The following RAP1GAP2 variants were observed in gnomAD, a reference collection of about 807,000 sequenced individuals.
RAP1GAP2 encodes the protein RAP1 GTPase activating protein 2.
Under a neutral mutation model 95.0 loss-of-function variants are expected in RAP1GAP2, and 27 were observed. The ratio of observed to expected loss-of-function variants is 0.28; its 90% CI spans 0.21 to 0.39. The LOEUF (loss-of-function observed/expected upper bound fraction) is 0.39. RAP1GAP2 is among the 10% of genes least tolerant of loss of function. The pLI, the probability that RAP1GAP2 is intolerant of heterozygous loss-of-function variation, is 1.00. For missense variants in RAP1GAP2, 771 were observed against 970.0 expected (o/e 0.79, Z 2.72); for synonymous variants, 373 against 380.9 (o/e 0.98, Z 0.24).
chr17:2,969,034 A>G (rs1366933451), intron 8 of RAP1GAP2, among the ~76,000 whole-genome samples: 1 of 152,080 alleles, frequency 6.6e-6, no homozygotes, highest in East Asian at 1.9e-4. Flanking sequence ...CATGTATGTA[A>G]TGATTATGGA....
In RAP1GAP2 at chr17:2,861,804, G is replaced by A. The variant is rs148233823; in HGVS notation, c.81-43480G>A. Among the ~76,000 whole-genome samples, 311 of 152,052 alleles carry A rather than the reference G, an allele frequency of 2.0e-3. 6 individuals are homozygous for A. The East Asian group carries it at 0.031, about 15-fold the overall frequency. On this transcript the variant is annotated intron_variant, in intron 2 of 24. Transcript: ENST00000254695. ...TGAGTAGCTGGGACTACAGGTGCCCGCCACCATGCCCGGCTAATTTTTTGT... is the reference window on the plus strand; with the variant it reads ...TGAGTAGCTGGGACTACAGGTGCCCACCACCATGCCCGGCTAATTTTTTGT...
chr17:2,793,576 C>G (rs1344235173), upstream of RAP1GAP2, among the ~76,000 whole-genome samples: 1 of 152,256 alleles, frequency 6.6e-6, no homozygotes, highest in East Asian at 1.9e-4. Context: ...TGGCCTAGAG[C>G]AGGTGTTGCT....
intron 14 of RAP1GAP2, among the ~76,000 whole-genome samples, chr17:2,999,674 C>T (rs1028641326): frequency 1.8e-4 from 27 of 151,736 alleles, no homozygotes; most frequent in Admixed American, 1.6e-3. Context: ...AGGCTGGGCA[C>T]GGTGGCGTAC....
chr17:2,758,665 G>A (rs2071192474), intron 1 of RAP1GAP2, among the ~76,000 whole-genome samples: 3 of 152,184 alleles, frequency 2.0e-5, no homozygotes. Context: ...TCCAGCTGTG[G>A]CCCCTGGATC....
In RAP1GAP2 at chr17:2,995,760, G is replaced by C. The variant is rs574289568; in HGVS notation, c.1044+294G>C. On this transcript the variant is annotated intron_variant, in intron 13 of 24. Transcript: ENST00000254695. ...GACTGATGGGAAAACTGCAGCCCAT[G>C]GTGGTGACAAGACTTCCTTGAGGTT... 7.2e-5 allele frequency among the ~76,000 whole-genome samples: 11 copies of C among 152,296 alleles called. No individual in the cohort carries two copies. The East Asian group carries it at 1.9e-3, about 27-fold the overall frequency.
chr17:2,875,223 C>T (rs1383954478), intron 2 of RAP1GAP2, among the ~76,000 whole-genome samples: 4 of 152,130 alleles, frequency 2.6e-5, no homozygotes, highest in Non-Finnish European at 4.4e-5. Flanking sequence ...TGCACCACCA[C>T]GCCTGGTGAA....
At chr17:2,767,895 G>T (rs964255624) in intron 1 of RAP1GAP2, among the ~76,000 whole-genome samples, 1 of 151,984 alleles carries the variant, frequency 6.6e-6, no homozygotes, top group African/African-American at 2.4e-5. Context: ...ACCACGCCCA[G>T]CTAATTTCTT....
intron 2 of RAP1GAP2, among the ~76,000 whole-genome samples, chr17:2,861,436 T>A (rs1367922629): frequency 1.3e-5 from 2 of 151,068 alleles, no homozygotes; most frequent in Non-Finnish European, 2.9e-5. Flanking sequence ...GCCTCCTGGC[T>A]CCCCTAAGTA....
intron 8 of RAP1GAP2, among the ~76,000 whole-genome samples, chr17:2,979,422 C>T (rs1409028265): frequency 5.9e-5 from 9 of 151,406 alleles, no homozygotes; most frequent in Admixed American, 1.3e-4. Flanking sequence ...TTGCATTTCC[C>T]GTATTTCAGT....
intron 2 of RAP1GAP2, among the ~76,000 whole-genome samples, chr17:2,864,396 T>G (rs867061939): frequency 6.6e-6 from 1 of 152,238 alleles, no homozygotes; most frequent in Non-Finnish European, 1.5e-5. Context: ...AATTGGAAGA[T>G]TCCACATTGT....
chr17:2,921,883 A>G (rs74252361), intron 3 of RAP1GAP2, among the ~76,000 whole-genome samples: 5,005 of 152,152 alleles, frequency 0.033, 121 homozygotes, highest in African/African-American at 0.068. Context: ...TCTTCTTCAC[A>G]TGTCTCCCTC....
chr17:2,990,246 A>G (rs1300675026), intron 11 of RAP1GAP2, among the ~76,000 whole-genome samples: 1 of 152,228 alleles, frequency 6.6e-6, no homozygotes, highest in Non-Finnish European at 1.5e-5. Flanking sequence ...TCTTTGGTGT[A>G]TACCTGAGAG....
At chr17:2,922,369 A>G (rs1484970144) in intron 3 of RAP1GAP2, among the ~76,000 whole-genome samples, 1 of 152,208 alleles carries the variant, frequency 6.6e-6, no homozygotes, top group Admixed American at 6.5e-5. Flanking sequence ...AGACTGCAGC[A>G]TGGGTAAAGA....
chr17:2,818,020 C>T (rs2151512809), intron 2 of RAP1GAP2, among the ~76,000 whole-genome samples: 1 of 151,220 alleles, frequency 6.6e-6, no homozygotes, highest in East Asian at 2.0e-4. Flanking sequence ...GTATTTTTAA[C>T]AGAGACGGGG....
Position 2,957,802 on chromosome 17 carries a change from C to A in RAP1GAP2, c.201+8C>A. ...ATGCTGGAGAAAATGCAGGTGAGTACGTACCCCCACCGTGGCGGGGAAGAA... is the reference window on the plus strand; with the variant it reads ...ATGCTGGAGAAAATGCAGGTGAGTAAGTACCCCCACCGTGGCGGGGAAGAA... On this transcript the variant is annotated splice_region_variant and intron_variant, in intron 4 of 24. Coordinates refer to ENST00000254695, the MANE Select transcript of RAP1GAP2 (RefSeq NM_015085.5). 3.8e-6 allele frequency: 6 copies of A among 1,588,136 alleles called. No individual in the cohort carries two copies. The highest frequency in any genetic ancestry group is 4.3e-6 in the Non-Finnish European group (5 of 1,165,764).
intron 2 of RAP1GAP2, among the ~76,000 whole-genome samples, chr17:2,853,710 G>C (rs892875177): frequency 6.8e-6 from 1 of 146,750 alleles, no homozygotes; most frequent in South Asian, 2.1e-4. Flanking sequence ...AGCGGGAGCC[G>C]GGAGCCGCCG....
At chr17:2,786,409 A>G (rs756291369) in intron 1 of RAP1GAP2, among the ~76,000 whole-genome samples, 1 of 152,224 alleles carries the variant, frequency 6.6e-6, no homozygotes, top group Non-Finnish European at 1.5e-5. Flanking sequence ...AAACAAGCCC[A>G]GGAAGACGCT....
chr17:2,914,731 C>G (rs2042509716), intron 3 of RAP1GAP2, among the ~76,000 whole-genome samples: 1 of 151,316 alleles, frequency 6.6e-6, no homozygotes, highest in Non-Finnish European at 1.5e-5. Context: ...ACCTTGTGAT[C>G]CACCCACCTC....
At chr17:2,875,976 C>T (rs1223082074) in intron 2 of RAP1GAP2, among the ~76,000 whole-genome samples, 2 of 150,504 alleles carry the variant, frequency 1.3e-5, no homozygotes, top group Non-Finnish European at 3.0e-5. Flanking sequence ...CTGGCTCTGT[C>T]GCCCAGGCTG....
Sources: allele counts gnomAD v4.1 joint callset (sites outside exome capture counted in the v4.1 genomes callset), GRCh38; gene constraint gnomAD v4.1.1; transcripts MANE v1.5; gene names NCBI Gene and HGNC (gene_info 2026-07-23, HGNC 2026-07-21).